STMN4: variants seen among roughly 807,000 people sequenced by gnomAD.
STMN4 encodes stathmin 4.
Under a neutral mutation model 29.1 loss-of-function variants are expected in STMN4, and 12 were observed. The ratio of observed to expected loss-of-function variants is 0.41; its 90% CI spans 0.26 to 0.67. The LOEUF (loss-of-function observed/expected upper bound fraction) is 0.67, where lower values mean the gene tolerates loss of function less well. Among genes scored for constraint, STMN4 ranks in the 30% least tolerant of loss-of-function variants. STMN4 has a pLI of 0.30. For synonymous variants in STMN4, 114 were observed against 105.3 expected, an observed-to-expected ratio of 1.08 and a Z score of -0.51; for missense variants, 181 against 262.8, an observed-to-expected ratio of 0.69 and a Z score of 2.15.
intron 1 of STMN4, among the ~76,000 whole-genome samples, chr8:27,250,208 G>T (rs1801744165): frequency 6.6e-6 from 1 of 152,160 alleles, no homozygotes; most frequent in South Asian, 2.1e-4. Flanking sequence ...ACATTTATTT[G>T]CTTTGGGATG....
At chr8:27,237,474 C>G (rs1801342938) in intron 6 of STMN4, among the ~76,000 whole-genome samples, 1 of 152,182 alleles carries the variant, frequency 6.6e-6, no homozygotes, top group Non-Finnish European at 1.5e-5. Flanking sequence ...AGGCTGTCCT[C>G]TAACTCCTGG....
intron 1 of STMN4, among the ~76,000 whole-genome samples, chr8:27,244,425 A>G (rs1180332255): frequency 1.3e-5 from 2 of 152,206 alleles, no homozygotes; most frequent in African/African-American, 4.8e-5. Context: ...AGGGCCAGCC[A>G]GCACACCACC....
At chr8:27,245,486 G>A (rs1801599193) in intron 1 of STMN4, among the ~76,000 whole-genome samples, 1 of 152,260 alleles carries the variant, frequency 6.6e-6, no homozygotes, top group Non-Finnish European at 1.5e-5. Context: ...TGGAGCCAGA[G>A]GCCCCTGTCA....
intron 1 of STMN4, among the ~76,000 whole-genome samples, chr8:27,247,230 G>C (rs1801650126): frequency 6.9e-6 from 1 of 145,032 alleles, no homozygotes; most frequent in Admixed American, 7.0e-5. Flanking sequence ...ACTCCAGCCT[G>C]GGTGAGAGAG....
At chr8:27,239,936 C>T (rs976179745) in intron 6 of STMN4, 35 bp downstream of exon 6, 3 of 1,614,040 alleles carry the variant, frequency 1.9e-6, no homozygotes, top group African/African-American at 2.7e-5. Flanking sequence ...AACAGCATGT[C>T]CCAGGAAACT....
At chr8:27,236,961 A>T in intron 6 of STMN4, 56 bp from the exon 7 acceptor site, 3 of 1,559,626 alleles carry the variant, frequency 1.9e-6, no homozygotes, top group Non-Finnish European at 2.6e-6. Flanking sequence ...GGGGACAAAA[A>T]GGGAGGCCAA....
chr8:27,243,042 C>T (rs1255308885), intron 2 of STMN4, among the ~76,000 whole-genome samples: 3 of 152,178 alleles, frequency 2.0e-5, no homozygotes, highest in Admixed American at 6.5e-5. Flanking sequence ...GCCTGGGGGT[C>T]GCTGGTGTCC....
chr8:27,254,834 T>G, intron 1 of STMN4, among the ~76,000 whole-genome samples: 2 of 132,846 alleles, frequency 1.5e-5, no homozygotes, highest in South Asian at 5.2e-4. Flanking sequence ...GGTTCATGTG[T>G]GTGTAGGGGA....
At position 27,241,060 on chromosome 8, in the gene STMN4, T is replaced by C; in HGVS notation, c.393A>G (p.Arg131=). 6.2e-7 allele frequency: 1 copy of C among 1,613,220 alleles called. No homozygotes were observed. Among genetic ancestry groups the C allele is most frequent in the South Asian group, 1.1e-5 (1 of 91,004 alleles). ...IQKKLEAAEE[R]RKYQEAELLK... is the part of the protein sequence containing the mutation. Reference sequence around the variant, plus strand: ...AGGAAGGGTCAGCATTTACCTTCCTTCGCTCCTCAGCCGCTTCTAGTTTCT... The same window carrying C: ...AGGAAGGGTCAGCATTTACCTTCCTCCGCTCCTCAGCCGCTTCTAGTTTCT... The change falls in exon 5 of 7, where the codon CGA becomes CGG. Residue 131 remains arginine, a synonymous_variant. Coordinates refer to ENST00000350889, the MANE Select transcript of STMN4 (RefSeq NM_030795.4).
In STMN4 at chr8:27,236,918, G is replaced by A. The variant is rs376275852; in HGVS notation, c.592-13C>T. The A allele has an allele frequency of 1.2e-6, 2 of 1,605,830 alleles. No individual in the cohort carries two copies. The highest frequency in any genetic ancestry group is 1.7e-6 in the Non-Finnish European group (2 of 1,176,516). ...CGGCGTGCTTGTCCTGGAAAGGAAGGGAGGGAAAAGGGCAGGTCACACAAG... is the reference window on the plus strand; with the variant it reads ...CGGCGTGCTTGTCCTGGAAAGGAAGAGAGGGAAAAGGGCAGGTCACACAAG... On this transcript the variant is annotated splice_polypyrimidine_tract_variant and intron_variant, in intron 6 of 6. Transcript: ENST00000350889.
intron 5 of STMN4, 123 bp from the exon 6 acceptor site, chr8:27,240,285 C>G: frequency 9.7e-7 from 1 of 1,029,318 alleles, no homozygotes; most frequent in Non-Finnish European, 1.4e-6. Flanking sequence ...GTCCCCAGAC[C>G]ATTAGCAGGA....
chr8:27,245,366 G>T (rs1362453443), intron 1 of STMN4, among the ~76,000 whole-genome samples: 2 of 152,226 alleles, frequency 1.3e-5, no homozygotes, highest in African/African-American at 4.8e-5. Context: ...GGCTCAGAGG[G>T]TTTATGTGCC....
intron 1 of STMN4, among the ~76,000 whole-genome samples, chr8:27,248,784 T>C (rs1801702844): frequency 6.6e-6 from 1 of 152,356 alleles, no homozygotes; most frequent in Non-Finnish European, 1.5e-5. Context: ...AAAGCCTCTC[T>C]GTCTTTAGGT....
chr8:27,236,883 C>T lies in STMN4; in HGVS notation c.614G>A (p.Arg205Gln), dbSNP rs1396548296. 6 of 1,608,362 alleles carry T rather than the reference C, an allele frequency of 3.7e-6. No homozygotes were observed. The highest frequency in any genetic ancestry group is 5.1e-6 in the Non-Finnish European group (6 of 1,177,790). ...QEKDKHAEEVRKNKELKEEAS... is the reference protein window; with the variant it reads ...QEKDKHAEEVQKNKELKEEAS... ...CTCTTCCTTCAGCTCCTTGTTTTTC[C>T]GCACCTCCTCGGCGTGCTTGTCCTG... The change falls in exon 7 of 7, where the codon CGG becomes CAG. Residue 205 changes from arginine to glutamine, a missense_variant. Arg to Gln is a conservative substitution (Grantham distance 43, BLOSUM62 1). Transcript: ENST00000350889.
chr8:27,251,741 C>G (rs1022806057), intron 1 of STMN4, among the ~76,000 whole-genome samples: 6 of 151,956 alleles, frequency 3.9e-5, no homozygotes, highest in African/African-American at 1.2e-4. Context: ...AGCCAGAAAC[C>G]AGGGCTTTTA....
intron 1 of STMN4, among the ~76,000 whole-genome samples, chr8:27,255,805 T>C (rs1423696591): frequency 6.6e-6 from 1 of 152,158 alleles, no homozygotes; most frequent in African/African-American, 2.4e-5. Context: ...TTTCTTTTAT[T>C]GAACCAAAGT....
At chr8:27,242,002 C>G in intron 3 of STMN4, 1 of 587,954 alleles carries the variant, frequency 1.7e-6, no homozygotes, top group South Asian at 2.1e-5. Flanking sequence ...CCAGAGCATT[C>G]TCTACCCTTC....
chr8:27,247,155 T>C (rs1801646905), intron 1 of STMN4, among the ~76,000 whole-genome samples: 1 of 147,908 alleles, frequency 6.8e-6, no homozygotes, highest in Non-Finnish European at 1.5e-5. Context: ...CTAGGGAAGC[T>C]GAGGTAGGAG....
At chr8:27,240,985 C>T in intron 5 of STMN4, 69 bp downstream of exon 5, 1 of 1,499,996 alleles carries the variant, frequency 6.7e-7, no homozygotes, top group Non-Finnish European at 9.0e-7. Flanking sequence ...CTCAGGTCCA[C>T]CACCTGTCTT....
Sources: gnomAD v4.1 joint callset for allele counts (sites outside exome capture counted in the v4.1 genomes callset) on GRCh38, gnomAD v4.1.1 for gene constraint, MANE v1.5 for transcripts, NCBI Gene and HGNC (gene_info 2026-07-23, HGNC 2026-07-21) for gene names.